The following CCSER1 variants were observed in gnomAD, a reference collection of about 807,000 sequenced individuals.
CCSER1 encodes the protein serine-rich coiled-coil domain-containing protein 1.
CCSER1 carries 41 observed loss-of-function variants against 82.0 expected under a neutral mutation model. The observed-to-expected ratio is 0.50, with a 90% CI of 0.39 to 0.65. The LOEUF is 0.65. CCSER1 is among the 30% of genes least tolerant of loss of function. CCSER1 has a pLI of 0.00. For synonymous variants in CCSER1, 414 were observed against 383.9 expected, an observed-to-expected ratio of 1.08 and a Z score of -0.92; for missense variants, 1,119 against 1,064.2, an observed-to-expected ratio of 1.05 and a Z score of -0.72.
intron 10 of CCSER1, among the ~76,000 whole-genome samples, chr4:91,206,691 G>A (rs1237203636): frequency 6.6e-6 from 1 of 151,716 alleles, no homozygotes; most frequent in African/African-American, 2.4e-5. Flanking sequence ...ACCTGCACAG[G>A]TATATCTATC....
At chr4:90,460,133 T>C (rs1034773855) in intron 4 of CCSER1, among the ~76,000 whole-genome samples, 2 of 145,860 alleles carry the variant, frequency 1.4e-5, no homozygotes, top group East Asian at 1.9e-4. Flanking sequence ...GAGACCATCC[T>C]GGCTAACACG....
At chr4:91,145,911 G>T (rs758515806) in intron 10 of CCSER1, among the ~76,000 whole-genome samples, 2 of 152,040 alleles carry the variant, frequency 1.3e-5, no homozygotes, top group Non-Finnish European at 2.9e-5. Context: ...ACCTTCAAAA[G>T]TCTGATGACT....
intron 10 of CCSER1, among the ~76,000 whole-genome samples, chr4:91,568,251 GCCCTTTCTTTCTAAGC>G (rs1762991920): frequency 2.6e-5 from 4 of 152,056 alleles, no homozygotes; most frequent in South Asian, 2.1e-4. Flanking sequence ...TAGGTGACCT[GCCCTTTCTTTCTAAGC>G]TGCCTTTAAC....
rs530831683 is a variant in CCSER1, at chr4:90,363,498, C to A, written c.1510-36538C>A. Among the ~76,000 whole-genome samples the A allele has an allele frequency of 2.0e-5, 3 of 152,116 alleles. No individual in the cohort carries two copies. The East Asian group carries it at 5.8e-4, about 29-fold the overall frequency. ...GTTCTCTTTGTTTTATATTTCCTGA[C>A]TTTAAGTGCACTCATGTGTTTGAGA... On this transcript the variant is annotated intron_variant, in intron 3 of 10. Coordinates refer to ENST00000509176, the MANE Select transcript of CCSER1 (RefSeq NM_001145065.2).
chr4:90,634,163 A>C (rs1725007076), intron 6 of CCSER1, among the ~76,000 whole-genome samples: 1 of 151,700 alleles, frequency 6.6e-6, no homozygotes. Context: ...AAACAAATAT[A>C]TTTTGATATA....
intron 1 of CCSER1, among the ~76,000 whole-genome samples, chr4:90,144,894 A>G (rs1402709773): frequency 6.6e-6 from 1 of 152,112 alleles, no homozygotes; most frequent in Non-Finnish European, 1.5e-5. Context: ...ATCTGTTATT[A>G]TGTAATATTC....
At chr4:90,507,737 A>G (rs1200679542) in intron 5 of CCSER1, among the ~76,000 whole-genome samples, 1 of 152,054 alleles carries the variant, frequency 6.6e-6, no homozygotes, top group East Asian at 1.9e-4. Flanking sequence ...ACTTCTCTTC[A>G]GGGCCTCTAA....
At chr4:90,901,487 A>G (rs890871407) in intron 8 of CCSER1, among the ~76,000 whole-genome samples, 2 of 152,036 alleles carry the variant, frequency 1.3e-5, no homozygotes, top group African/African-American at 4.8e-5. Flanking sequence ...CCATTCTAGA[A>G]ATCTCTTAGC....
At chr4:90,479,890 C>T (rs1765673131) in intron 5 of CCSER1, among the ~76,000 whole-genome samples, 1 of 152,070 alleles carries the variant, frequency 6.6e-6, no homozygotes, top group Non-Finnish European at 1.5e-5. Context: ...GGATATATAC[C>T]CAGTAATGGG....
chr4:91,559,931 A>G (rs1252596349), intron 10 of CCSER1, among the ~76,000 whole-genome samples: 1 of 151,512 alleles, frequency 6.6e-6, no homozygotes, highest in Non-Finnish European at 1.5e-5. Flanking sequence ...AAAACTGAAA[A>G]TTTAAAAGAG....
chr4:90,655,800 C>T (rs1010259679), intron 6 of CCSER1, among the ~76,000 whole-genome samples: 1 of 151,886 alleles, frequency 6.6e-6, no homozygotes, highest in African/African-American at 2.4e-5. Context: ...ATTAAATACT[C>T]GGGTCCAAAT....
At chr4:91,526,593 A>C (rs1028965144) in intron 10 of CCSER1, among the ~76,000 whole-genome samples, 6 of 151,984 alleles carry the variant, frequency 3.9e-5, no homozygotes, top group Admixed American at 3.9e-4. Context: ...TTTTCTTCAG[A>C]TCATATACTC....
chr4:90,664,947 G>A (rs137864047), intron 6 of CCSER1, among the ~76,000 whole-genome samples: 122 of 152,242 alleles, frequency 8.0e-4, no homozygotes, highest in Non-Finnish European at 1.5e-3. Flanking sequence ...AATTTTTGGC[G>A]TAAAGTAGAC....
At chr4:90,279,412 T>C (rs1049957746) in intron 1 of CCSER1, among the ~76,000 whole-genome samples, 1 of 151,990 alleles carries the variant, frequency 6.6e-6, no homozygotes, top group Non-Finnish European at 1.5e-5. Flanking sequence ...ATAAAATTTA[T>C]TATATTCTGA....
chr4:91,396,710 G>A (rs1752001117), intron 10 of CCSER1, among the ~76,000 whole-genome samples: 1 of 152,004 alleles, frequency 6.6e-6, no homozygotes, highest in African/African-American at 2.4e-5. Context: ...TACTTGAGAA[G>A]ATAAGCATTT....
intron 10 of CCSER1, among the ~76,000 whole-genome samples, chr4:91,145,893 G>T (rs913611213): frequency 6.6e-6 from 1 of 151,934 alleles, no homozygotes; most frequent in Non-Finnish European, 1.5e-5. Flanking sequence ...ATTTTTTCTT[G>T]CACATTGACC....
intron 5 of CCSER1, among the ~76,000 whole-genome samples, chr4:90,552,637 G>C (rs753155477): frequency 6.6e-6 from 1 of 151,838 alleles, no homozygotes; most frequent in Non-Finnish European, 1.5e-5. Context: ...TTGTATTTTT[G>C]ATGGAAATGG....
At chr4:90,307,487 A>G (rs1234796831) in intron 1 of CCSER1, among the ~76,000 whole-genome samples, 47 of 114,794 alleles carry the variant, frequency 4.1e-4, no homozygotes, top group African/African-American at 1.2e-3. Context: ...AGCTTCCCAA[A>G]CCAAACTTGT....
At chr4:90,544,333 T>C (rs1776482779) in intron 5 of CCSER1, among the ~76,000 whole-genome samples, 1 of 152,114 alleles carries the variant, frequency 6.6e-6, no homozygotes, top group Non-Finnish European at 1.5e-5. Flanking sequence ...TAGAACTCAC[T>C]GAAAGCTGTT....
Sources: gnomAD v4.1 joint callset for allele counts (sites outside exome capture counted in the v4.1 genomes callset) on GRCh38, gnomAD v4.1.1 for gene constraint, MANE v1.5 for transcripts, NCBI Gene and HGNC (gene_info 2026-07-23, HGNC 2026-07-21) for gene names.